KCNMA1: variants seen among roughly 807,000 people sequenced by gnomAD.
KCNMA1 encodes the protein potassium calcium-activated channel subfamily M alpha 1.
KCNMA1 carries 29 observed loss-of-function variants against 140.0 expected under a neutral mutation model. The observed-to-expected ratio is 0.21, with a 90% confidence interval of 0.15 to 0.28. KCNMA1 has a LOEUF of 0.28. Among genes scored for constraint, KCNMA1 ranks in the 10% least tolerant of loss-of-function variants. KCNMA1 has a pLI of 1.00. For missense variants in KCNMA1, 880 were observed against 1,602.2 expected (o/e 0.55, Z 7.70); for synonymous variants, 612 against 611.9 (o/e 1.00, Z 0.00).
At chr10:77,532,207 G>A (rs1333553436) in intron 1 of KCNMA1, among the ~76,000 whole-genome samples, 1 of 152,212 alleles carries the variant, frequency 6.6e-6, no homozygotes, top group Non-Finnish European at 1.5e-5. Flanking sequence ...ATTCCAGCAC[G>A]ATGAGAATCC....
intron 1 of KCNMA1, among the ~76,000 whole-genome samples, chr10:77,484,549 T>A (rs1365172467): frequency 6.6e-6 from 1 of 152,192 alleles, no homozygotes; most frequent in Non-Finnish European, 1.5e-5. Context: ...ATTTGTCAGA[T>A]GGGGAAATCA....
chr10:77,470,144 C>A (rs1335384471), intron 1 of KCNMA1, among the ~76,000 whole-genome samples: 1 of 152,166 alleles, frequency 6.6e-6, no homozygotes, highest in East Asian at 1.9e-4. Context: ...ACCCCAGGGC[C>A]ATCTTCTCCA....
intron 3 of KCNMA1, among the ~76,000 whole-genome samples, chr10:77,209,263 T>C (rs1030025841): frequency 2.0e-5 from 3 of 151,956 alleles, no homozygotes; most frequent in South Asian, 2.1e-4. Context: ...AATGTCTTCA[T>C]AGGAAAAAAA....
chr10:77,092,139 T>C (rs1241447014), intron 9 of KCNMA1: 3 of 152,180 alleles, frequency 2.0e-5, no homozygotes, highest in African/African-American at 7.2e-5. Context: ...CCAAATTTTA[T>C]GCCCAAAGCC....
Position 77,113,960 on chromosome 10 carries a change from C to T in KCNMA1, c.885-1518G>A, listed in dbSNP as rs545586096. ...ACATTAGACCTCTAGACTTGATCAT[C>T]CTACATAGCTCCCTACTTAAGTATT... On this transcript the variant is annotated intron_variant, in intron 6 of 27. Transcript: ENST00000286628. 2.0e-5 allele frequency among the ~76,000 whole-genome samples: 3 copies of T among 152,250 alleles called. No homozygotes were observed. The East Asian group carries it at 5.8e-4, about 29-fold the overall frequency.
chr10:77,270,332 T>C (rs907415035), intron 2 of KCNMA1, among the ~76,000 whole-genome samples: 1 of 152,066 alleles, frequency 6.6e-6, no homozygotes, highest in African/African-American at 2.4e-5. Context: ...ACCCAAGAAA[T>C]AGTGGTGCAT....
intron 14 of KCNMA1, among the ~76,000 whole-genome samples, chr10:77,061,215 G>C (rs1455109525): frequency 6.6e-6 from 1 of 152,070 alleles, no homozygotes; most frequent in Non-Finnish European, 1.5e-5. Context: ...AGGAAAGAAA[G>C]TTTAAGTTAA....
At chr10:77,250,318 C>T (rs1276982686) in intron 3 of KCNMA1, 2 of 152,224 alleles carry the variant, frequency 1.3e-5, no homozygotes, top group Non-Finnish European at 2.9e-5. Flanking sequence ...GCCATTGTCA[C>T]CAGAGTTGCC....
intron 5 of KCNMA1, among the ~76,000 whole-genome samples, chr10:77,182,565 C>T (rs1205946749): frequency 2.6e-5 from 4 of 152,196 alleles, no homozygotes; most frequent in African/African-American, 2.4e-5. Context: ...TCTCTTCACA[C>T]ATCTTTGTTT....
chr10:76,971,410 G>C (rs536916431), intron 19 of KCNMA1, among the ~76,000 whole-genome samples: 108 of 152,262 alleles, frequency 7.1e-4, no homozygotes, highest in Non-Finnish European at 1.2e-3. Context: ...AAATTTAGTA[G>C]GTTATGATAC....
intron 3 of KCNMA1, among the ~76,000 whole-genome samples, chr10:77,235,769 T>G (rs1215777638): frequency 2.0e-5 from 3 of 152,190 alleles, no homozygotes; most frequent in Non-Finnish European, 4.4e-5. Context: ...AGGACCCACT[T>G]CCAGCCTTCC....
chr10:77,467,449 C>T (rs1385699885), intron 1 of KCNMA1, among the ~76,000 whole-genome samples: 1 of 152,182 alleles, frequency 6.6e-6, no homozygotes, highest in Non-Finnish European at 1.5e-5. Flanking sequence ...TCCAGGGTGC[C>T]AGTGCGATGA....
chr10:77,410,464 T>G (rs1272435945), intron 1 of KCNMA1, among the ~76,000 whole-genome samples: 1 of 152,236 alleles, frequency 6.6e-6, no homozygotes, highest in East Asian at 1.9e-4. Flanking sequence ...GCTCCAAGTC[T>G]GCCTCGGGTT....
intron 14 of KCNMA1, among the ~76,000 whole-genome samples, chr10:77,068,529 G>GT (rs2096047628): frequency 1.3e-5 from 2 of 151,830 alleles, no homozygotes; most frequent in Non-Finnish European, 2.9e-5. Flanking sequence ...ACATGACAGA[G>GT]AAGCGTGTAT....
chr10:77,416,513 T>G (rs967519686), intron 1 of KCNMA1, among the ~76,000 whole-genome samples: 2 of 152,216 alleles, frequency 1.3e-5, no homozygotes, highest in Non-Finnish European at 2.9e-5. Context: ...CAACCACAGA[T>G]AGCAGATAGG....
At chr10:77,556,347 A>G (rs1477968016) in intron 1 of KCNMA1, among the ~76,000 whole-genome samples, 4 of 151,870 alleles carry the variant, frequency 2.6e-5, no homozygotes, top group African/African-American at 9.7e-5. Flanking sequence ...TCTGCTGAAA[A>G]TACAAAAACT....
intron 1 of KCNMA1, among the ~76,000 whole-genome samples, chr10:77,530,189 C>T (rs1268393221): frequency 6.6e-6 from 1 of 152,208 alleles, no homozygotes; most frequent in Admixed American, 6.5e-5. Context: ...GACTAACCCA[C>T]CGAATGCAGC....
chr10:77,249,488 A>T (rs891367489), intron 3 of KCNMA1: 6 of 152,014 alleles, frequency 3.9e-5, no homozygotes, highest in Non-Finnish European at 7.4e-5. Flanking sequence ...TTAAAAAAAT[A>T]AAAAAAATAA....
chr10:77,193,439 T>C (rs1381653357), intron 3 of KCNMA1, among the ~76,000 whole-genome samples: 1 of 152,224 alleles, frequency 6.6e-6, no homozygotes, highest in Non-Finnish European at 1.5e-5. Flanking sequence ...CCAATTCTAC[T>C]CACTCGTTCC....
Sources: gnomAD v4.1 joint callset for allele counts (sites outside exome capture counted in the v4.1 genomes callset) on GRCh38, gnomAD v4.1.1 for gene constraint, MANE v1.5 for transcripts, NCBI Gene and HGNC (gene_info 2026-07-23, HGNC 2026-07-21) for gene names.